Variants in SEC14L5 observed in about 807,000 individuals in gnomAD.
SEC14L5 encodes the protein SEC14-like protein 5.
Under a neutral mutation model 84.6 loss-of-function variants are expected in SEC14L5, and 96 were observed. The ratio of observed to expected loss-of-function variants is 1.13; its 90% CI spans 0.96 to 1.34. The LOEUF is 1.34. Ranked by LOEUF, SEC14L5 falls within the 40% of genes most tolerant of loss-of-function variation. SEC14L5 has a pLI of 0.00. For synonymous variants in SEC14L5, 546 were observed against 383.4 expected, an observed-to-expected ratio of 1.42 and a Z score of -4.95; for missense variants, 1,224 against 942.5, an observed-to-expected ratio of 1.30 and a Z score of -3.91.
intron 2 of SEC14L5, among the ~76,000 whole-genome samples, chr16:4,978,666 A>G (rs745933700): frequency 1.3e-5 from 2 of 151,604 alleles, no homozygotes; most frequent in Non-Finnish European, 2.9e-5. Flanking sequence ...GCAGTGGTGC[A>G]ATCTGGGCTC....
rs767600253 is a variant in SEC14L5, at chr16:5,000,638, T to C, written c.971-17T>C. The C allele has an allele frequency of 1.7e-5, 26 of 1,543,936 alleles. No homozygotes were observed. The highest frequency in any genetic ancestry group is 3.3e-4 in the Middle Eastern group (2 of 5,996). On this transcript the variant is annotated splice_polypyrimidine_tract_variant and intron_variant, in intron 8 of 15. Transcript: ENST00000251170. ...TAAATAACGGGCTCTTCTTTCTGCT[T>C]GGCCCCATCCACAAAGATGGCCGCC...
At chr16:4,987,497 T>TGC (rs1555529518) in intron 2 of SEC14L5, 60 bp from the exon 3 acceptor site, 2 of 1,140,754 alleles carry the variant, frequency 1.8e-6, no homozygotes, top group Middle Eastern at 2.3e-4. Context: ...GAGGTCGCGC[T>TGC]GGGGGGGGGG....
At chr16:4,966,267 C>CTTTT (rs1019686741) in intron 2 of SEC14L5, among the ~76,000 whole-genome samples, 6 of 78,782 alleles carry the variant, frequency 7.6e-5, no homozygotes, top group South Asian at 5.0e-4. Flanking sequence ...CGCCCGGCCT[C>CTTTT]TTTTTTTTTT....
Position 4,985,202 on chromosome 16 carries a change from T to C in SEC14L5, c.64-2355T>C, listed in dbSNP as rs549098764. On this transcript the variant is annotated intron_variant, in intron 2 of 15. Coordinates refer to ENST00000251170, the MANE Select transcript of SEC14L5 (RefSeq NM_014692.2). Reference sequence around the variant, plus strand: ...AGTTTTGTAGTTTTTAAAAAATGCTTTTAAAAAATTATTATTATTATTTTA... The same window carrying C: ...AGTTTTGTAGTTTTTAAAAAATGCTCTTAAAAAATTATTATTATTATTTTA... 3.8e-4 allele frequency among the ~76,000 whole-genome samples: 58 copies of C among 152,238 alleles called. 1 individual carries two copies. The highest frequency in any genetic ancestry group is 1.1e-3 in the African/African-American group (46 of 41,576).
At chr16:4,967,197 T>C (rs1955211474) in intron 2 of SEC14L5, among the ~76,000 whole-genome samples, 1 of 152,198 alleles carries the variant, frequency 6.6e-6, no homozygotes, top group South Asian at 2.1e-4. Flanking sequence ...ACACTCCCTC[T>C]GGAGGCTCTA....
At chr16:5,005,429 A>G (rs1165161293) in intron 11 of SEC14L5, among the ~76,000 whole-genome samples, 1 of 151,812 alleles carries the variant, frequency 6.6e-6, no homozygotes, top group African/African-American at 2.4e-5. Flanking sequence ...GTGGGGTGGG[A>G]ATGGGGTTTC....
chr16:5,000,703 G>T lies in SEC14L5; in HGVS notation c.1019G>T (p.Gly340Val). The change falls in exon 9 of 16, where the codon GGC becomes GTC. Residue 340 changes from glycine to valine, a missense_variant. Transcript: ENST00000251170. ...ILRLGQMDTK[G>V]LMKAVGEEAL... ...CGCCTGGGCCAGATGGACACCAAAG[G>T]CTTGATGAAGGCCGTGGGGGAGGAG... 1.9e-6 allele frequency: 3 copies of T among 1,552,406 alleles called. No individual in the cohort carries two copies. The highest frequency in any genetic ancestry group is 1.4e-5 in the African/African-American group (1 of 73,190).
rs574164044 is a variant in SEC14L5 at position 4,988,453 on chromosome 16, C to A, written c.345+173C>A. Among the ~76,000 whole-genome samples the A allele has an allele frequency of 1.1e-4, 17 of 152,318 alleles. No homozygotes were observed. In the East Asian group the frequency reaches 3.3e-3, roughly 29 times the overall value. On this transcript the variant is annotated intron_variant, in intron 4 of 15. Transcript: ENST00000251170. Reference sequence around the variant, plus strand: ...TTGCCTTTGCATTCCGATGAACAACCCATAATTTTTTTAGTATGTCTCAAA... The same window carrying A: ...TTGCCTTTGCATTCCGATGAACAACACATAATTTTTTTAGTATGTCTCAAA...
At chr16:4,973,809 A>C (rs963764011) in intron 2 of SEC14L5, among the ~76,000 whole-genome samples, 4 of 150,794 alleles carry the variant, frequency 2.7e-5, no homozygotes, top group African/African-American at 9.8e-5. Flanking sequence ...CAGCCTCCTG[A>C]GTAGCTGGGA....
intron 15 of SEC14L5, among the ~76,000 whole-genome samples, chr16:5,011,573 G>A (rs1955804961): frequency 6.6e-6 from 1 of 152,322 alleles, no homozygotes; most frequent in South Asian, 2.1e-4. Flanking sequence ...ACCCTTCCAT[G>A]TGGGCTTCCC....
At chr16:5,012,241 C>T (rs1033042101) in intron 15 of SEC14L5, among the ~76,000 whole-genome samples, 1 of 152,102 alleles carries the variant, frequency 6.6e-6, no homozygotes, top group Non-Finnish European at 1.5e-5. Context: ...CAGGCTGAGG[C>T]CCAGGGGGAC....
intron 2 of SEC14L5, among the ~76,000 whole-genome samples, chr16:4,987,297 C>T (rs1372324824): frequency 6.6e-6 from 1 of 151,516 alleles, no homozygotes; most frequent in Non-Finnish European, 1.5e-5. Context: ...AGTCCCTGTG[C>T]TTCCTTCTGA....
At position 4,968,707 on chromosome 16, in the gene SEC14L5, C is replaced by T. The variant is rs183710969; in HGVS notation, c.63+9321C>T. Reference sequence around the variant, plus strand: ...GGTCCCCTTTTGTCCAGCCACTGCCCAGGTGTTCCTGTGGGGCTCCAAAGC... The same window carrying T: ...GGTCCCCTTTTGTCCAGCCACTGCCTAGGTGTTCCTGTGGGGCTCCAAAGC... On this transcript the variant is annotated intron_variant, in intron 2 of 15. Coordinates refer to ENST00000251170, the MANE Select transcript of SEC14L5 (RefSeq NM_014692.2). Among the ~76,000 whole-genome samples, 17 of 152,316 alleles carry T rather than the reference C, an allele frequency of 1.1e-4. No homozygotes were observed. In the East Asian group the frequency reaches 2.9e-3, roughly 26 times the overall value.
chr16:4,990,930 G>A lies in SEC14L5; in HGVS notation c.474+35G>A, dbSNP rs1426874850. ...GGGTTGCGTTAGTTACTGGAGGAAGGTGCACACACCTGCTCTGCCATCAAC... is the reference window on the plus strand; with the variant it reads ...GGGTTGCGTTAGTTACTGGAGGAAGATGCACACACCTGCTCTGCCATCAAC... On this transcript the variant is annotated intron_variant, in intron 5 of 15. Transcript: ENST00000251170. The A allele has an allele frequency of 4.6e-6, 7 of 1,520,244 alleles. No individual in the cohort carries two copies. The African/African-American group carries it at 6.9e-5, about 15-fold the overall frequency. The allele number at this position is 1,520,244 out of a possible 1,614,324, so 94.2% of individuals were successfully genotyped here.
At chr16:4,986,519 G>C (rs919797921) in intron 2 of SEC14L5, among the ~76,000 whole-genome samples, 69 of 152,146 alleles carry the variant, frequency 4.5e-4, no homozygotes, top group Admixed American at 2.0e-4. Context: ...TGGTTATCTT[G>C]GGTCTGTTGT....
intron 6 of SEC14L5, among the ~76,000 whole-genome samples, chr16:4,993,634 G>C (rs1955575825): frequency 6.6e-6 from 1 of 152,164 alleles, no homozygotes; most frequent in African/African-American, 2.4e-5. Context: ...AAACAACATG[G>C]TACATGTGAG....
chr16:4,977,446 C>CAAAAAAAA (rs762657125), intron 2 of SEC14L5, among the ~76,000 whole-genome samples: 2 of 66,158 alleles, frequency 3.0e-5, no homozygotes, highest in African/African-American at 6.6e-5. Context: ...GACTCCGTCT[C>CAAAAAAAA]AAAAAAAAAA....
chr16:4,985,245 G>T (rs1415856730), intron 2 of SEC14L5, among the ~76,000 whole-genome samples: 2 of 151,906 alleles, frequency 1.3e-5, no homozygotes, highest in African/African-American at 4.8e-5. Flanking sequence ...ATTTTTTTGA[G>T]ATGGAGTTTT....
chr16:4,972,337 G>A (rs1315240494), intron 2 of SEC14L5, among the ~76,000 whole-genome samples: 3 of 152,220 alleles, frequency 2.0e-5, no homozygotes, highest in South Asian at 2.1e-4. Flanking sequence ...TGAAATACAC[G>A]TAACATAAAA....
Sources: allele counts gnomAD v4.1 joint callset (sites outside exome capture counted in the v4.1 genomes callset), GRCh38; gene constraint gnomAD v4.1.1; transcripts MANE v1.5; gene names NCBI Gene and HGNC (gene_info 2026-07-23, HGNC 2026-07-21).